The following DMD variants were observed in gnomAD, a reference collection of about 807,000 sequenced individuals.
DMD encodes mutant dystrophin.
Under a neutral mutation model 330.1 loss-of-function variants are expected in DMD, and 63 were observed. The observed-to-expected ratio is 0.19, with a 90% CI of 0.16 to 0.24. The LOEUF (loss-of-function observed/expected upper bound fraction) is 0.24, where lower values mean the gene tolerates loss of function less well. DMD is among the 10% of genes least tolerant of loss of function. The pLI is 1.00. For missense variants in DMD, 3,344 were observed against 2,684.1 expected, an observed-to-expected ratio of 1.25 and a Z score of -5.43; for synonymous variants, 1,223 against 959.8, an observed-to-expected ratio of 1.27 and a Z score of -5.07.
intron 76 of DMD, among the ~76,000 whole-genome samples, chrX:31,139,093 T>C (rs1276056203): frequency 8.9e-6 from 1 of 111,984 alleles, no homozygotes; most frequent in Non-Finnish European, 1.9e-5. Context: ...ATTTTAAACT[T>C]AGTTGATGGC....
chrX:33,133,388 A>T, intron 1 of DMD, among the ~76,000 whole-genome samples: 1 of 111,883 alleles, frequency 8.9e-6, no homozygotes, highest in Non-Finnish European at 1.9e-5. Flanking sequence ...AATAATCACA[A>T]TTTTTTAAAA....
chrX:32,763,506 G>T (rs1019046764), intron 7 of DMD, among the ~76,000 whole-genome samples: 2 of 111,670 alleles, frequency 1.8e-5, no homozygotes, highest in Non-Finnish European at 3.8e-5. Context: ...TTTGGCACTT[G>T]TCAGCCTATG....
At position 31,476,397 on chromosome X, in the gene DMD, GTATATA is replaced by G. The variant is rs373498710; in HGVS notation, c.8937+1703_8937+1708del. Among the ~76,000 whole-genome samples the G allele has an allele frequency of 3.1e-4, 27 of 88,333 alleles. No individual in the cohort carries two copies. In the South Asian group the frequency reaches 4.4e-3, roughly 14 times the overall value. The allele number at this position is 88,333 out of a possible 115,157, so 76.7% of individuals were successfully genotyped here. A position where few individuals can be genotyped will look rare whatever the true frequency, so the allele number is the denominator to read the frequency against. ...TATCTAACTATGTATGTGTGTGTGT[GTATATA>G]TATATATATATATATATACACACAC... On this transcript the variant is annotated intron_variant, in intron 59 of 78. Transcript: ENST00000357033.
chrX:32,033,659 AG>A (rs1183219089), intron 44 of DMD, among the ~76,000 whole-genome samples: 23 of 82,452 alleles, frequency 2.8e-4, no homozygotes, highest in African/African-American at 1.2e-3. Flanking sequence ...GAAAGAAGAA[AG>A]AAAGAAAGAA....
intron 1 of DMD, 135 bp downstream of exon 1, chrX:33,211,147 A>AC: frequency 1.4e-6 from 1 of 705,454 alleles, no homozygotes; most frequent in Non-Finnish European, 2.1e-6. Flanking sequence ...ACATATATAT[A>AC]TGCAGTATAT....
At chrX:33,052,015 C>G (rs947547003) in intron 1 of DMD, among the ~76,000 whole-genome samples, 2 of 111,228 alleles carry the variant, frequency 1.8e-5, no homozygotes, top group Non-Finnish European at 3.8e-5. Context: ...GCCTTCCCTA[C>G]AGCTAAACAA....
chrX:32,211,683 G>A (rs1187601890), intron 44 of DMD, among the ~76,000 whole-genome samples: 1 of 111,876 alleles, frequency 8.9e-6, no homozygotes, highest in Non-Finnish European at 1.9e-5. Context: ...TACTGTTAAT[G>A]TCTTAAGGTC....
Position 32,935,771 on chromosome X carries a change from G to A in DMD, c.93+84368C>T, listed in dbSNP as rs774805195. 1.5e-3 allele frequency among the ~76,000 whole-genome samples: 169 copies of A among 110,979 alleles called. 2 individuals carry two copies. The highest frequency in any genetic ancestry group is 3.9e-3 in the Admixed American group (41 of 10,422). On this transcript the variant is annotated intron_variant, in intron 2 of 78. Coordinates refer to ENST00000357033, the MANE Select transcript of DMD (RefSeq NM_004006.3). ...TTCTATCTCTCCCCCTTAGACAACC[G>A]GTAATACTAATGTTATGCCTTTTTC... is the stretch of plus-strand genomic sequence containing the variant.
rs1458087832 is a variant in DMD, at chrX:32,555,923, G to A, written c.1992+9779C>T. Among the ~76,000 whole-genome samples, 3 of 111,847 alleles carry A rather than the reference G, an allele frequency of 2.7e-5. 1 individual carries two copies. Among genetic ancestry groups the A allele is most frequent in the Middle Eastern group, 4.2e-3 (1 of 238 alleles). On this transcript the variant is annotated intron_variant, in intron 16 of 78. Transcript: ENST00000357033. ...ACATAGGCATGGGCAAAGGTTTCAT[G>A]AGGAAAATGGCAAAAGCAACTGCAA... is the stretch of plus-strand genomic sequence containing the variant.
At chrX:32,483,208 A>G (rs1233778729) in intron 21 of DMD, among the ~76,000 whole-genome samples, 3 of 94,096 alleles carry the variant, frequency 3.2e-5, no homozygotes, top group Non-Finnish European at 6.4e-5. Context: ...CTAGACAAGC[A>G]TTCCAAAAGG....
At chrX:32,638,519 C>A (rs2059242014) in intron 11 of DMD, among the ~76,000 whole-genome samples, 2 of 111,895 alleles carry the variant, frequency 1.8e-5, no homozygotes, top group African/African-American at 6.5e-5. Context: ...AGCTGAGAGT[C>A]TGCATTTTTA....
At chrX:32,710,657 A>G (rs2147775581) in intron 7 of DMD, among the ~76,000 whole-genome samples, 1 of 111,316 alleles carries the variant, frequency 9.0e-6, no homozygotes, top group Non-Finnish European at 1.9e-5. Context: ...TTTCAAAAAT[A>G]ATATTGACTG....
chrX:32,549,640 A>G (rs1041626149), intron 16 of DMD, among the ~76,000 whole-genome samples: 6 of 112,174 alleles, frequency 5.3e-5, no homozygotes, highest in African/African-American at 9.7e-5. Context: ...ATAAGATTAC[A>G]TATGTTAAAA....
At chrX:33,312,291 G>A (rs189311272) in intron 1 of DMD, among the ~76,000 whole-genome samples, 1 of 110,911 alleles carries the variant, frequency 9.0e-6, no homozygotes, top group African/African-American at 3.3e-5. Flanking sequence ...CGTATATAGA[G>A]GGCCAATTTT....
intron 62 of DMD, among the ~76,000 whole-genome samples, chrX:31,320,297 G>C (rs761346833): frequency 2.7e-5 from 3 of 112,326 alleles, no homozygotes; most frequent in Non-Finnish European, 5.6e-5. Context: ...TCAAGAATGA[G>C]TGCACAATTC....
intron 1 of DMD, among the ~76,000 whole-genome samples, chrX:33,262,847 A>T (rs906566989): frequency 9.9e-5 from 11 of 111,253 alleles, no homozygotes; most frequent in Non-Finnish European, 2.1e-4. Flanking sequence ...CTAAAGAATT[A>T]CATGAAAATA....
rs1211544333 is a variant in DMD, at chrX:32,823,378, C to T, written c.274G>A (p.Val92Met). Residue 92 changes from valine (V) to methionine (M), a missense_variant, in exon 5 of 79, where the codon GTG (valine) becomes ATG (methionine). Val to Met is a conservative substitution (Grantham distance 21). Coordinates refer to ENST00000357033, the MANE Select transcript of DMD (RefSeq NM_004006.3). ...ACGATGTCAGTACTTCCAATATTCA[C>T]TAAATCAACCTGTTAAAGAAAGGGG... Reference protein sequence around the residue: ...RVLQNNNVDLVNIGSTDIVDG... With the variant: ...RVLQNNNVDLMNIGSTDIVDG... The T allele has an allele frequency of 8.4e-7, 1 of 1,193,737 alleles. No individual in the cohort carries two copies. The highest frequency in any genetic ancestry group is 1.1e-6 in the Non-Finnish European group (1 of 881,087).
intron 53 of DMD, among the ~76,000 whole-genome samples, chrX:31,672,022 T>A (rs1329631679): frequency 8.9e-6 from 1 of 112,194 alleles, no homozygotes; most frequent in Non-Finnish European, 1.9e-5. Flanking sequence ...TTTTCCTTTT[T>A]AAATATAGGT....
At chrX:32,911,310 C>A (rs144265300) in intron 2 of DMD, among the ~76,000 whole-genome samples, 1,269 of 111,816 alleles carry the variant, frequency 0.011, 57 homozygotes, top group Admixed American at 0.1. Flanking sequence ...AAATGTGTAT[C>A]CTAACACTAA....
Sources: gnomAD v4.1 joint callset for allele counts (sites outside exome capture counted in the v4.1 genomes callset) on GRCh38, gnomAD v4.1.1 for gene constraint, MANE v1.5 for transcripts, NCBI Gene and HGNC (gene_info 2026-07-23, HGNC 2026-07-21) for gene names.